The following CTNNA1 variants were observed in gnomAD, a reference collection of about 807,000 sequenced individuals.
CTNNA1 encodes the protein catenin alpha-1.
CTNNA1 carries 37 observed loss-of-function variants against 98.4 expected under a neutral mutation model. The ratio of observed to expected loss-of-function variants is 0.38; its 90% CI spans 0.29 to 0.49. The LOEUF (loss-of-function observed/expected upper bound fraction) is 0.49, where lower values mean the gene tolerates loss of function less well. CTNNA1 is among the 20% of genes least tolerant of loss of function. The pLI is 0.95. For missense variants in CTNNA1, 761 were observed against 1,147.2 expected (o/e 0.66, Z 4.86); for synonymous variants, 404 against 413.2 (o/e 0.98, Z 0.27).
chr5:138,875,100 G>C, intron 7 of CTNNA1: 1 of 547,390 alleles, frequency 1.8e-6, no homozygotes, highest in Non-Finnish European at 3.2e-6. Context: ...GGAAAGCATT[G>C]GTTTCATTTT....
intron 1 of CTNNA1, among the ~76,000 whole-genome samples, chr5:138,762,963 A>G (rs1752533875): frequency 6.6e-6 from 1 of 151,924 alleles, no homozygotes; most frequent in African/African-American, 2.4e-5. Context: ...TTTTCCCTAG[A>G]TTGCTTAGTT....
At chr5:138,919,632 T>C (rs1364260668) in intron 11 of CTNNA1, among the ~76,000 whole-genome samples, 2 of 152,200 alleles carry the variant, frequency 1.3e-5, no homozygotes, top group African/African-American at 4.8e-5. Flanking sequence ...ATAAGAGGGA[T>C]TGATTTGATG....
chr5:138,883,811 A>G (rs1242305717), intron 7 of CTNNA1, among the ~76,000 whole-genome samples: 1 of 152,220 alleles, frequency 6.6e-6, no homozygotes, highest in African/African-American at 2.4e-5. Flanking sequence ...CTTAAGGAAT[A>G]TGCTGAGACT....
intron 14 of CTNNA1, among the ~76,000 whole-genome samples, chr5:138,930,044 C>G (rs1030379567): frequency 6.6e-6 from 1 of 152,198 alleles, no homozygotes; most frequent in African/African-American, 2.4e-5. Context: ...TCTCTCAGCC[C>G]TCTTTCTTCA....
At position 138,863,498 on chromosome 5, in the gene CTNNA1, A is replaced by C. The variant is rs145748867; in HGVS notation, c.1063-22714A>C. 3.3e-5 allele frequency among the ~76,000 whole-genome samples: 5 copies of C among 152,272 alleles called. No individual in the cohort carries two copies. The East Asian group carries it at 9.7e-4, about 29-fold the overall frequency. On this transcript the variant is annotated intron_variant, in intron 7 of 17. Coordinates refer to ENST00000302763, the MANE Select transcript of CTNNA1 (RefSeq NM_001903.5). ...TGGGCTCAAGCAGTCCTCCTGCCCC[A>C]GGCCCCCAAAGTGCTGGGATTCCAG... is the stretch of plus-strand genomic sequence containing the variant.
chr5:138,764,868 C>CTTTT (rs35354499), intron 1 of CTNNA1, among the ~76,000 whole-genome samples: 2,117 of 84,808 alleles, frequency 0.025, 83 homozygotes, highest in East Asian at 0.065. Flanking sequence ...GTATCTCTCT[C>CTTTT]TTTTTTTTTT....
intron 3 of CTNNA1, among the ~76,000 whole-genome samples, chr5:138,795,608 T>C (rs1756876892): frequency 1.3e-5 from 2 of 152,198 alleles, no homozygotes; most frequent in African/African-American, 4.8e-5. Context: ...GTTAGGAATC[T>C]CATGGTAGGG....
intron 13 of CTNNA1, among the ~76,000 whole-genome samples, chr5:138,927,893 G>A (rs941458898): frequency 6.6e-6 from 1 of 152,164 alleles, no homozygotes; most frequent in African/African-American, 2.4e-5. Flanking sequence ...TGACTGCAGC[G>A]TTAAAACTGT....
At chr5:138,872,031 T>A (rs999131298) in intron 7 of CTNNA1, 6 of 108,558 alleles carry the variant, frequency 5.5e-5, no homozygotes, top group African/African-American at 1.8e-4. Context: ...CGCGAGAGTG[T>A]GTGTGTGTGT....
intron 13 of CTNNA1, among the ~76,000 whole-genome samples, chr5:138,928,605 A>C (rs1026162381): frequency 8.5e-5 from 13 of 152,168 alleles, no homozygotes; most frequent in Non-Finnish European, 1.5e-5. Flanking sequence ...CTTTGTCTTA[A>C]AATGCCGGTG....
At position 138,824,557 on chromosome 5, in the gene CTNNA1, C is replaced by T. The variant is rs773383379; in HGVS notation, c.616C>T (p.Gln206Ter). 1.9e-6 allele frequency: 3 copies of T among 1,614,122 alleles called. No homozygotes were observed. Among genetic ancestry groups the T allele is most frequent in the Admixed American group, 3.3e-5 (2 of 60,028 alleles). The change falls in exon 6 of 18, where the codon CAG becomes TAG. Residue 206 changes from glutamine (Q) to a stop codon, truncating the protein, a stop_gained. Transcript: ENST00000302763. LOFTEE classifies it high-confidence loss of function. Reference protein sequence around the residue: ...QELKDVGHRDQMAAARGILQK... With the variant: ...QELKDVGHRD ...ATTGAAAGATGTTGGCCATCGTGAT[C>T]AGATGGCTGCAGCTAGAGGAATCCT...
chr5:138,883,147 A>T (rs538546031), intron 7 of CTNNA1, among the ~76,000 whole-genome samples: 1 of 152,316 alleles, frequency 6.6e-6, no homozygotes, highest in South Asian at 2.1e-4. Flanking sequence ...GATTACAGGC[A>T]TGAGCCACCG....
intron 10 of CTNNA1, among the ~76,000 whole-genome samples, chr5:138,911,719 T>G (rs904896618): frequency 2.6e-5 from 4 of 152,184 alleles, no homozygotes; most frequent in Non-Finnish European, 5.9e-5. Flanking sequence ...GATAATAGAT[T>G]TGTGTTGTTT....
intron 10 of CTNNA1, among the ~76,000 whole-genome samples, chr5:138,916,019 A>C (rs1761649880): frequency 6.6e-6 from 1 of 152,196 alleles, no homozygotes; most frequent in East Asian, 1.9e-4. Context: ...ACTGCTCTCC[A>C]GCCTGGGCGA....
At chr5:138,905,093 CAAAAA>C (rs781709207) in intron 10 of CTNNA1, among the ~76,000 whole-genome samples, 2 of 58,250 alleles carry the variant, frequency 3.4e-5, no homozygotes, top group East Asian at 4.6e-4. Context: ...GACTCCGTCT[CAAAAA>C]AAAAAAAAAA....
At chr5:138,853,730 A>G (rs1353023600) in intron 7 of CTNNA1, among the ~76,000 whole-genome samples, 1 of 152,244 alleles carries the variant, frequency 6.6e-6, no homozygotes, top group Non-Finnish European at 1.5e-5. Context: ...GGCACAGATT[A>G]AAGAGTTTAT....
Position 138,874,940 on chromosome 5 carries a change from A to G in CTNNA1, c.1063-11272A>G. 1 of 1,613,510 alleles carries G rather than the reference A, an allele frequency of 6.2e-7. No homozygotes were observed. Among genetic ancestry groups the G allele is most frequent in the Non-Finnish European group, 8.5e-7 (1 of 1,179,684 alleles). On this transcript the variant is annotated intron_variant, in intron 7 of 17. Transcript: ENST00000302763. This position sits in a 1 kb window ranked among gnomAD's most constrained non-coding sequence, Gnocchi z 4.1. Reference sequence around the variant, plus strand: ...TCTGAGCACATTGGAGGCTGCATTCAGTCGCGGTTGTTAGACTCAACGCAG... The same window carrying G: ...TCTGAGCACATTGGAGGCTGCATTCGGTCGCGGTTGTTAGACTCAACGCAG...
chr5:138,850,999 G>T (rs1042662084), intron 7 of CTNNA1, among the ~76,000 whole-genome samples: 1 of 152,202 alleles, frequency 6.6e-6, no homozygotes, highest in African/African-American at 2.4e-5. Flanking sequence ...CTGGCATGCT[G>T]TGTTATGTGA....
chr5:138,854,097 T>C (rs897424542), intron 7 of CTNNA1, among the ~76,000 whole-genome samples: 1 of 152,218 alleles, frequency 6.6e-6, no homozygotes, highest in African/African-American at 2.4e-5. Context: ...ATCATTGATA[T>C]TACATCTGCA....
Sources: gnomAD v4.1 joint callset for allele counts (sites outside exome capture counted in the v4.1 genomes callset) on GRCh38, gnomAD v4.1.1 for gene constraint, Gnocchi (gnomAD v3.1) non-coding constraint, MANE v1.5 for transcripts, NCBI Gene and HGNC (gene_info 2026-07-23, HGNC 2026-07-21) for gene names.